The following NRXN1 variants were observed in gnomAD, a reference collection of about 807,000 sequenced individuals.
NRXN1 encodes neurexin-1.
Under a neutral mutation model 150.9 loss-of-function variants are expected in NRXN1, and 39 were observed. The ratio of observed to expected loss-of-function variants is 0.26; its 90% confidence interval spans 0.20 to 0.34. The LOEUF (loss-of-function observed/expected upper bound fraction) is 0.34. NRXN1 is among the 10% of genes least tolerant of loss of function. The pLI, the probability that NRXN1 is intolerant of heterozygous loss-of-function variation, is 1.00. For synonymous variants in NRXN1, 924 were observed against 757.0 expected (o/e 1.22, Z -3.62); for missense variants, 1,815 against 1,949.9 (o/e 0.93, Z 1.30).
chr2:49,964,710 G>A (rs1199075214), intron 21 of NRXN1, among the ~76,000 whole-genome samples: 1 of 151,610 alleles, frequency 6.6e-6, no homozygotes, highest in South Asian at 2.1e-4. Context: ...ACATGGTGGC[G>A]GGCACCTGTA....
At chr2:49,922,338 T>C (rs1474813614) in intron 22 of NRXN1, 87 bp from the exon 23 acceptor site, 2 of 1,290,612 alleles carry the variant, frequency 1.5e-6, no homozygotes, top group Non-Finnish European at 2.2e-6. Flanking sequence ...ATTATCTAAT[T>C]CTAACAGCAC....
At chr2:50,631,104 T>G (rs1304865222) in intron 5 of NRXN1, 1 of 453,594 alleles carries the variant, frequency 2.2e-6, no homozygotes, top group African/African-American at 2.1e-5. Context: ...TCACATTACT[T>G]TCAAGGGAGA....
chr2:50,278,241 A>AT (rs1357337957), intron 17 of NRXN1, among the ~76,000 whole-genome samples: 2 of 122,628 alleles, frequency 1.6e-5, no homozygotes, highest in Admixed American at 2.0e-4. Flanking sequence ...ATATATATAT[A>AT]ATATATATAT....
At chr2:50,654,406 C>T (rs1686102360) in intron 5 of NRXN1, among the ~76,000 whole-genome samples, 1 of 151,924 alleles carries the variant, frequency 6.6e-6, no homozygotes. Context: ...ATATGTGCCA[C>T]ATTTTCTTAA....
chr2:50,647,743 A>T (rs2104530505), intron 5 of NRXN1, among the ~76,000 whole-genome samples: 1 of 152,056 alleles, frequency 6.6e-6, no homozygotes, highest in Admixed American at 6.6e-5. Flanking sequence ...GTTTGTAAAT[A>T]ATTAAAATAT....
chr2:50,944,956 G>C (rs1289247917), intron 2 of NRXN1, among the ~76,000 whole-genome samples: 1 of 152,158 alleles, frequency 6.6e-6, no homozygotes, highest in Non-Finnish European at 1.5e-5. Context: ...AATTACTTCA[G>C]TGTTTTCTGC....
intron 5 of NRXN1, among the ~76,000 whole-genome samples, chr2:50,900,000 T>G (rs1396689782): frequency 6.6e-6 from 1 of 152,140 alleles, no homozygotes; most frequent in East Asian, 1.9e-4. Context: ...AGACAAGACA[T>G]GAAATATACC....
chr2:50,623,379 G>A lies in NRXN1; in HGVS notation c.1069C>T (p.Pro357Ser). The change falls in exon 6 of 23, where the codon CCT (proline) becomes TCT (serine). Residue 357 changes from proline to serine, a missense_variant. Pro to Ser is a moderately conservative substitution (Grantham distance 74, BLOSUM62 -1). Transcript: ENST00000401669. ...GSGAFEALVE[P>S]VNGKFNDNAW... is the part of the protein sequence containing the mutation. Reference sequence around the variant, plus strand: ...TTATCATTAAACTTTCCATTCACAGGCTCCACTAGTGCTTCAAAGGCCCCT... The same window carrying A: ...TTATCATTAAACTTTCCATTCACAGACTCCACTAGTGCTTCAAAGGCCCCT... 1 of 1,613,276 alleles carries A rather than the reference G, an allele frequency of 6.2e-7. No homozygotes were observed. The highest frequency in any genetic ancestry group is 8.5e-7 in the Non-Finnish European group (1 of 1,179,490).
At chr2:50,946,496 G>C (rs904667162) in intron 2 of NRXN1, among the ~76,000 whole-genome samples, 2 of 152,038 alleles carry the variant, frequency 1.3e-5, no homozygotes, top group Admixed American at 6.6e-5. Flanking sequence ...CTTTCATATA[G>C]ATTATTCTGA....
At chr2:50,037,829 G>A (rs966560035) in intron 21 of NRXN1, among the ~76,000 whole-genome samples, 6 of 152,172 alleles carry the variant, frequency 3.9e-5, no homozygotes, top group Admixed American at 6.5e-5. Context: ...TGCTTCAGCA[G>A]GTTAAACTAA....
intron 12 of NRXN1, among the ~76,000 whole-genome samples, chr2:50,514,312 T>C (rs1388017435): frequency 6.6e-6 from 1 of 152,158 alleles, no homozygotes; most frequent in African/African-American, 2.4e-5. Flanking sequence ...CACCTGGTAA[T>C]TGAATTAGGA....
chr2:50,948,722 CTT>C (rs1690808974), intron 2 of NRXN1, among the ~76,000 whole-genome samples: 1 of 152,054 alleles, frequency 6.6e-6, no homozygotes, highest in African/African-American at 2.4e-5. Context: ...GCAAATGTCT[CTT>C]TCAGGCAGTC....
chr2:50,906,098 C>A (rs1035689896), intron 5 of NRXN1, among the ~76,000 whole-genome samples: 14 of 152,060 alleles, frequency 9.2e-5, no homozygotes, highest in African/African-American at 3.4e-4. Context: ...ACACTAGGGG[C>A]ACTAAGGTTA....
intron 17 of NRXN1, among the ~76,000 whole-genome samples, chr2:50,414,293 G>T (rs559668865): frequency 6.6e-6 from 1 of 151,702 alleles, no homozygotes; most frequent in Admixed American, 6.6e-5. Flanking sequence ...ATATCTTTAC[G>T]CCATAAATAT....
intron 17 of NRXN1, among the ~76,000 whole-genome samples, chr2:50,424,336 G>C (rs561988308): frequency 8.2e-5 from 12 of 146,014 alleles, no homozygotes; most frequent in Non-Finnish European, 1.5e-4. Context: ...AGGAGGGGGA[G>C]GAGGAGGAGG....
intron 13 of NRXN1, among the ~76,000 whole-genome samples, chr2:50,502,251 G>C: frequency 6.6e-6 from 1 of 151,480 alleles, no homozygotes; most frequent in East Asian, 1.9e-4. Flanking sequence ...AGGAAGGAGG[G>C]AAAAAATAAA....
intron 8 of NRXN1, among the ~76,000 whole-genome samples, chr2:50,586,278 G>A (rs1673081208): frequency 6.6e-6 from 1 of 152,132 alleles, no homozygotes; most frequent in Non-Finnish European, 1.5e-5. Flanking sequence ...TTTCAGTGTA[G>A]CTCTCTGTGA....
chr2:50,633,151 A>G (rs1682639208), intron 5 of NRXN1, among the ~76,000 whole-genome samples: 1 of 152,130 alleles, frequency 6.6e-6, no homozygotes, highest in Non-Finnish European at 1.5e-5. Context: ...TGCAACTGAA[A>G]ACTATCATGC....
chr2:50,578,609 A>T (rs2105508480), intron 8 of NRXN1, among the ~76,000 whole-genome samples: 1 of 152,288 alleles, frequency 6.6e-6, no homozygotes, highest in Admixed American at 6.5e-5. Context: ...GAATGTGTGT[A>T]GCTGTGCATG....
Sources: gnomAD v4.1 joint callset for allele counts (sites outside exome capture counted in the v4.1 genomes callset) on GRCh38, gnomAD v4.1.1 for gene constraint, MANE v1.5 for transcripts, NCBI Gene and HGNC (gene_info 2026-07-23, HGNC 2026-07-21) for gene names.